C1QL1: variants seen among roughly 807,000 people sequenced by gnomAD.
C1QL1 encodes C1q-related factor.
C1QL1 carries 15 observed loss-of-function variants against 14.2 expected under a neutral mutation model. That is an observed-to-expected ratio of 1.06 (90% CI 0.71 to 1.62). The LOEUF (loss-of-function observed/expected upper bound fraction) is 1.62, where lower values mean the gene tolerates loss of function less well. C1QL1 is among the 40% of genes most tolerant of loss of function. The pLI, the probability that C1QL1 is intolerant of heterozygous loss-of-function variation, is 0.00. For synonymous variants in C1QL1, 172 were observed against 172.4 expected, an observed-to-expected ratio of 1.00 and a Z score of 0.02; for missense variants, 346 against 380.3, an observed-to-expected ratio of 0.91 and a Z score of 0.75.
chr17:44,960,310 T>C lies in C1QL1; in HGVS notation c.655A>G (p.Ser219Gly). The change falls in exon 2 of 2, where the codon AGC becomes GGC. Residue 219 changes from serine to glycine, a missense_variant. By Grantham distance (56) the Ser-to-Gly change is moderately conservative. Coordinates refer to ENST00000253407, the MANE Select transcript of C1QL1 (RefSeq NM_006688.5). ...ADQNYDYASNSVILHLDAGDE... is the reference protein window; with the variant it reads ...ADQNYDYASNGVILHLDAGDE... ...CCGGCGTCCAGGTGCAGGATCACGC[T>C]GTTGCTGGCGTAGTCGTAGTTCTGG... is the stretch of plus-strand genomic sequence containing the variant. 1 of 1,614,108 alleles carries C rather than the reference T, an allele frequency of 6.2e-7. No homozygotes were observed.
intron 1 of C1QL1, among the ~76,000 whole-genome samples, chr17:44,966,979 C>T (rs2052660512): frequency 6.6e-6 from 1 of 152,232 alleles, no homozygotes; most frequent in African/African-American, 2.4e-5. Context: ...GTGCCCCAAA[C>T]ATTTCCTGCA....
chr17:44,965,073 C>T (rs1187974214), intron 1 of C1QL1, among the ~76,000 whole-genome samples: 1 of 151,358 alleles, frequency 6.6e-6, no homozygotes, highest in Non-Finnish European at 1.5e-5. Flanking sequence ...AGTGCAGTGG[C>T]GCGATCTCAG....
chr17:44,960,487 T>C, intron 1 of C1QL1, 120 bp from the exon 2 acceptor site: 1 of 681,036 alleles, frequency 1.5e-6, no homozygotes, highest in Non-Finnish European at 2.6e-6. Flanking sequence ...CAGCCTCGCC[T>C]CATCCCTGCC....
chr17:44,966,741 T>C (rs1486477415), intron 1 of C1QL1, among the ~76,000 whole-genome samples: 1 of 146,666 alleles, frequency 6.8e-6, no homozygotes, highest in African/African-American at 2.5e-5. Context: ...GGAGGGGGAG[T>C]TTCCATCTCT....
chr17:44,967,070 C>A lies in C1QL1; in HGVS notation c.597+382G>T, dbSNP rs2052660940. The stretch of plus-strand genomic sequence containing the variant: ...ATGCTGCTTCTCCCTGTTCCATACG[C>A]CAGAGCCCATCCTTGCCCTCCCCTT... On this transcript the variant is annotated intron_variant, in intron 1 of 1. Coordinates refer to ENST00000253407, the MANE Select transcript of C1QL1 (RefSeq NM_006688.5). This position sits in a 1 kb window ranked among gnomAD's most constrained non-coding sequence, Gnocchi z 7.0. 6.6e-6 allele frequency among the ~76,000 whole-genome samples: 1 copy of A among 152,360 alleles called. No homozygotes were observed. Among genetic ancestry groups the A allele is most frequent in the East Asian group, 1.9e-4 (1 of 5,176 alleles).
chr17:44,968,235 G>A lies in C1QL1; in HGVS notation c.-187C>T, dbSNP rs2052670018. Reference sequence around the variant, plus strand: ...GGCCGGGCCCGGGGCGCCGCGCTGCGCTGGCTGCGCTGCGGAGCCCAGCCG... The same window carrying A: ...GGCCGGGCCCGGGGCGCCGCGCTGCACTGGCTGCGCTGCGGAGCCCAGCCG... On this transcript the variant is annotated 5_prime_UTR_variant, in exon 1 of 2. Coordinates refer to ENST00000253407, the MANE Select transcript of C1QL1 (RefSeq NM_006688.5). 6.8e-6 allele frequency among the ~76,000 whole-genome samples: 1 copy of A among 147,384 alleles called. No individual in the cohort carries two copies. Among genetic ancestry groups the A allele is most frequent in the Non-Finnish European group, 1.5e-5 (1 of 66,222 alleles).
rs1470439824 is a variant in C1QL1 at position 44,967,599 on chromosome 17, G to A, written c.450C>T (p.Asp150=). Reference sequence around the variant, plus strand: ...AGTTGTTGCCTAGGTTGGTGACCACGTCGTCAAACTTGAGTACCTCGTAAC... The same window carrying A: ...AGTTGTTGCCTAGGTTGGTGACCACATCGTCAAACTTGAGTACCTCGTAAC... ...HEGYEVLKFD[D]VVTNLGNNYD... is the part of the protein sequence containing the mutation. The change falls in exon 1 of 2, where the codon GAC becomes GAT. Residue 150 remains aspartate, a synonymous_variant. Coordinates refer to ENST00000253407, the MANE Select transcript of C1QL1 (RefSeq NM_006688.5). The surrounding 1 kb of genome is among the most constrained non-coding windows in gnomAD (Gnocchi z 7.0). The A allele has an allele frequency of 6.2e-7, 1 of 1,614,100 alleles. No homozygotes were observed. Among genetic ancestry groups the A allele is most frequent in the Admixed American group, 1.7e-5 (1 of 60,034 alleles).
At chr17:44,962,835 T>G (rs539462399) in intron 1 of C1QL1, among the ~76,000 whole-genome samples, 1 of 152,316 alleles carries the variant, frequency 6.6e-6, no homozygotes, top group South Asian at 2.1e-4. Flanking sequence ...CTCCTGGTGA[T>G]GTGACTGCAT....
rs753070703 is a variant in C1QL1 at position 44,960,137 on chromosome 17, G to A, written c.*51C>T. On this transcript the variant is annotated 3_prime_UTR_variant, in exon 2 of 2. Transcript: ENST00000253407. ...GGGCGAGTCATCGTCTGCCCCGCCC[G>A]GAGGGGACCCCGGCGGGTGAGGGAC... is the stretch of plus-strand genomic sequence containing the variant. 1.1e-5 allele frequency: 17 copies of A among 1,569,574 alleles called. No homozygotes were observed. Among genetic ancestry groups the A allele is most frequent in the South Asian group, 2.2e-5 (2 of 88,978 alleles).
At chr17:44,966,301 C>T (rs747328600) in intron 1 of C1QL1, among the ~76,000 whole-genome samples, 3 of 152,214 alleles carry the variant, frequency 2.0e-5, no homozygotes, top group Non-Finnish European at 4.4e-5. Flanking sequence ...CTTGCAGACC[C>T]GCAGGCTGGC....
In C1QL1 at chr17:44,960,148, C is replaced by G. The variant is rs751755723; in HGVS notation, c.*40G>C. The G allele has an allele frequency of 6.3e-7, 1 of 1,591,866 alleles. No homozygotes were observed. The highest frequency in any genetic ancestry group is 8.6e-7 in the Non-Finnish European group (1 of 1,161,716). ...CGTCTGCCCCGCCCGGAGGGGACCC[C>G]GGCGGGTGAGGGACGTGGGTGGAGG... is the stretch of plus-strand genomic sequence containing the variant. On this transcript the variant is annotated 3_prime_UTR_variant, in exon 2 of 2. Coordinates refer to ENST00000253407, the MANE Select transcript of C1QL1 (RefSeq NM_006688.5).
rs773787224 is a variant in C1QL1, at chr17:44,967,451, C to T, written c.597+1G>A. The stretch of plus-strand genomic sequence containing the variant: ...CAGCCCCATGCCCCCGCCTGGCCCA[C>T]CTGGCCATTCTTGCAGAGGTCTGCC... On this transcript the variant is annotated splice_donor_variant, in intron 1 of 1. Transcript: ENST00000253407. LOFTEE classifies it high-confidence loss of function. This position sits in a 1 kb window ranked among gnomAD's most constrained non-coding sequence, Gnocchi z 7.0. The T allele has an allele frequency of 6.2e-7, 1 of 1,613,228 alleles. No homozygotes were observed. Among genetic ancestry groups the T allele is most frequent in the East Asian group, 2.2e-5 (1 of 44,838 alleles).
chr17:44,962,011 C>A (rs150031939), intron 1 of C1QL1, among the ~76,000 whole-genome samples: 5 of 151,812 alleles, frequency 3.3e-5, no homozygotes, highest in African/African-American at 1.2e-4. Context: ...GTTTGAGGAT[C>A]GGGGCCTCTC....
At position 44,967,006 on chromosome 17, in the gene C1QL1, C is replaced by A. The variant is rs958156434; in HGVS notation, c.597+446G>T. 6.6e-6 allele frequency among the ~76,000 whole-genome samples: 1 copy of A among 152,212 alleles called. No homozygotes were observed. The highest frequency in any genetic ancestry group is 1.5e-5 in the Non-Finnish European group (1 of 68,038). On this transcript the variant is annotated intron_variant, in intron 1 of 1. Transcript: ENST00000253407. The surrounding 1 kb of genome is among the most constrained non-coding windows in gnomAD (Gnocchi z 7.0). The stretch of plus-strand genomic sequence containing the variant: ...TTTCCTGCAGCCAGCCTTCTCCGCT[C>A]GCGCCCATGGCCACGCGCCTAGGCG...
In C1QL1 at chr17:44,968,073, C is replaced by A; in HGVS notation, c.-25G>T. 1 of 1,279,694 alleles carries A rather than the reference C, an allele frequency of 7.8e-7. No homozygotes were observed. Among genetic ancestry groups the A allele is most frequent in the Admixed American group, 3.1e-5 (1 of 31,784 alleles). 79.3% of individuals were successfully genotyped at this position (1,279,694 alleles called of 1,614,324 possible). On this transcript the variant is annotated 5_prime_UTR_variant, in exon 1 of 2. Transcript: ENST00000253407. The stretch of plus-strand genomic sequence containing the variant: ...TCACCACACCCGCGGCGGCCGCTAG[C>A]AGCGTCTTTCGGCCCGCGCGGAGCC...
chr17:44,968,119 G>T lies in C1QL1; in HGVS notation c.-71C>A, dbSNP rs2052669093. ...GAGCCTGGGGAGCGCCGGGCCGCCC[G>T]GCCGCGCCGTCGGGGCAATGGTGCC... On this transcript the variant is annotated 5_prime_UTR_variant, in exon 1 of 2. Coordinates refer to ENST00000253407, the MANE Select transcript of C1QL1 (RefSeq NM_006688.5). 3 of 1,038,416 alleles carry T rather than the reference G, an allele frequency of 2.9e-6. No individual in the cohort carries two copies. The highest frequency in any genetic ancestry group is 3.6e-6 in the Non-Finnish European group (3 of 830,274). 64.3% of individuals were successfully genotyped at this position (1,038,416 alleles called of 1,614,324 possible).
At position 44,960,009 on chromosome 17, in the gene C1QL1, T is replaced by C. The variant is rs576199698; in HGVS notation, c.*179A>G. Reference sequence around the variant, plus strand: ...GGACAGGGCGCGCTGGGCCCGGCTCTGCAGCGAGCCGGTGGGAGGGCCTAG... The same window carrying C: ...GGACAGGGCGCGCTGGGCCCGGCTCCGCAGCGAGCCGGTGGGAGGGCCTAG... On this transcript the variant is annotated 3_prime_UTR_variant, in exon 2 of 2. Transcript: ENST00000253407. 1.4e-3 allele frequency: 894 copies of C among 623,114 alleles called. 18 individuals are homozygous for C. In the Admixed American group the frequency reaches 0.025, roughly 17 times the overall value. 38.6% of individuals were successfully genotyped at this position (623,114 alleles called of 1,614,324 possible). A position where few individuals can be genotyped will look rare whatever the true frequency, so the allele number is the denominator to read the frequency against.
rs145281382 is a variant in C1QL1, at chr17:44,967,554, C to T, written c.495G>A (p.Lys165=). 7.5e-3 allele frequency: 12,170 copies of T among 1,614,116 alleles called. 139 individuals carry two copies. Among genetic ancestry groups the T allele is most frequent in the Middle Eastern group, 0.015 (91 of 6,062 alleles). ...AGGTGCCGGGAATGTTGCACGTAAA[C>T]TTGCCGCTGGCCGCGTCGTAGTTGT... is the stretch of plus-strand genomic sequence containing the variant. ...LGNNYDAASG[K]FTCNIPGTYF... Residue 165 remains lysine, a synonymous_variant, in exon 1 of 2, where the codon AAG becomes AAA. Coordinates refer to ENST00000253407, the MANE Select transcript of C1QL1 (RefSeq NM_006688.5). The surrounding 1 kb of genome is among the most constrained non-coding windows in gnomAD (Gnocchi z 7.0).
At chr17:44,961,544 A>G (rs1441690912) in intron 1 of C1QL1, among the ~76,000 whole-genome samples, 2 of 148,272 alleles carry the variant, frequency 1.3e-5, no homozygotes, top group South Asian at 2.1e-4. Context: ...GTGAGCCGAG[A>G]TCATGCCACT....
Sources: allele counts gnomAD v4.1 joint callset (sites outside exome capture counted in the v4.1 genomes callset), GRCh38; gene constraint gnomAD v4.1.1; non-coding constraint Gnocchi (gnomAD v3.1); transcripts MANE v1.5; gene names NCBI Gene and HGNC (gene_info 2026-07-23, HGNC 2026-07-21).